Variants in ERAP2 observed in about 807,000 individuals in gnomAD.
ERAP2 encodes leukocyte-derived arginine aminopeptidase.
A neutral mutation model predicts 111.1 loss-of-function variants in ERAP2; 118 were observed. That is an observed-to-expected ratio of 1.06 (90% CI 0.92 to 1.24). The LOEUF is 1.24. Among genes scored for constraint, ERAP2 ranks in the 50% most tolerant of loss-of-function variants. ERAP2 has a pLI of 0.00. For missense variants in ERAP2, 1,131 were observed against 1,125.8 expected, an observed-to-expected ratio of 1.00 and a Z score of -0.07; for synonymous variants, 410 against 401.2, an observed-to-expected ratio of 1.02 and a Z score of -0.26.
rs529193089 is a variant in ERAP2 at position 96,890,484 on chromosome 5, G to A, written c.970+1179G>A. Among the ~76,000 whole-genome samples, 11 of 152,276 alleles carry A rather than the reference G, an allele frequency of 7.2e-5. No homozygotes were observed. In the East Asian group the frequency reaches 1.4e-3, roughly 19 times the overall value. ...ATAGGCCATTGACAGGTACTGGTCC[G>A]CAGCCCTAGGGTTAGGGACCCCTGT... On this transcript the variant is annotated intron_variant, in intron 5 of 18. Coordinates refer to ENST00000437043, the MANE Select transcript of ERAP2 (RefSeq NM_022350.5).
At chr5:96,876,230 G>A (rs570519348), upstream of ERAP2, 2 of 152,450 alleles carry the variant, frequency 1.3e-5, no homozygotes, top group South Asian at 4.1e-4. Flanking sequence ...TGTTCTGAAG[G>A]CTTTACCCTG....
At position 96,897,359 on chromosome 5, in the gene ERAP2, C is replaced by T. The variant is rs905079147; in HGVS notation, c.1503+496C>T. Among the ~76,000 whole-genome samples the T allele has an allele frequency of 2.0e-5, 3 of 152,186 alleles. No individual in the cohort carries two copies. The South Asian group carries it at 6.2e-4, about 31-fold the overall frequency. ...TCTTTCCAACAATTCAAATGCCACC[C>T]AACTTTTAAGATCCAGCTGAGATTT... On this transcript the variant is annotated intron_variant, in intron 9 of 18. Coordinates refer to ENST00000437043, the MANE Select transcript of ERAP2 (RefSeq NM_022350.5).
At chr5:96,894,847 T>G (rs1349284185) in intron 6 of ERAP2, among the ~76,000 whole-genome samples, 1 of 152,124 alleles carries the variant, frequency 6.6e-6, no homozygotes, top group Non-Finnish European at 1.5e-5. Context: ...CACTTGGATT[T>G]ATATTTCTCC....
intron 6 of ERAP2, among the ~76,000 whole-genome samples, chr5:96,894,552 G>A (rs1784675911): frequency 6.6e-6 from 1 of 152,044 alleles, no homozygotes. Flanking sequence ...AAACATAAAA[G>A]CACATAAAAG....
At chr5:96,892,624 T>C (rs1320266630) in intron 6 of ERAP2, among the ~76,000 whole-genome samples, 171 bp downstream of exon 6, 5 of 152,214 alleles carry the variant, frequency 3.3e-5, no homozygotes, top group Non-Finnish European at 7.3e-5. Context: ...CTCTGAACTG[T>C]GGTGTGCATA....
intron 12 of ERAP2, 101 bp downstream of exon 12, chr5:96,902,454 AT>A: frequency 1.5e-6 from 1 of 687,478 alleles, no homozygotes; most frequent in Non-Finnish European, 2.5e-6. Context: ...ACAATAAAAG[AT>A]TTATATTTGA....
At chr5:96,897,012 CCT>C (rs1784950249) in intron 9 of ERAP2, 149 bp downstream of exon 9, 1 of 243,682 alleles carries the variant, frequency 4.1e-6, no homozygotes, top group African/African-American at 4.5e-5. Flanking sequence ...GCAGCACTTC[CCT>C]TTTTCCTCTA....
At chr5:96,911,875 AAAAAAAG>A (rs1311951335) in intron 15 of ERAP2, among the ~76,000 whole-genome samples, 1 of 147,554 alleles carries the variant, frequency 6.8e-6, no homozygotes, top group Non-Finnish European at 1.5e-5. Flanking sequence ...TCAAAAAAAA[AAAAAAAG>A]AAAGAAAGAA....
chr5:96,887,092 TATATATATACAC>T (rs1191754303), intron 4 of ERAP2, among the ~76,000 whole-genome samples: 2 of 99,142 alleles, frequency 2.0e-5, no homozygotes, highest in African/African-American at 7.2e-5. Context: ...TATATATATA[TATATATATACAC>T]ACACACACAC....
intron 5 of ERAP2, among the ~76,000 whole-genome samples, chr5:96,891,213 T>A (rs1784312696): frequency 6.6e-6 from 1 of 152,026 alleles, no homozygotes; most frequent in Non-Finnish European, 1.5e-5. Context: ...AAAAATTATC[T>A]TTTTTTCCAG....
At chr5:96,907,652 C>T (rs146239971) in intron 13 of ERAP2, among the ~76,000 whole-genome samples, 5,749 of 151,444 alleles carry the variant, frequency 0.038, 188 homozygotes, top group Middle Eastern at 0.12. Context: ...GAGGCCGAGG[C>T]GGGTGGATCA....
In ERAP2 at chr5:96,895,351, C is replaced by T. The variant is rs779101347; in HGVS notation, c.1231C>T (p.Leu411=). The T allele has an allele frequency of 3.7e-6, 6 of 1,603,200 alleles. No individual in the cohort carries two copies. In the Admixed American group the frequency reaches 1.0e-4, roughly 27 times the overall value. Residue 411 remains leucine, a synonymous_variant, in exon 7 of 19, where the codon CTG becomes TTG. Transcript: ENST00000437043. ...LIAVNATYPE[L]QFDDYFLNVC... is the part of the protein sequence containing the mutation. ...CGCTGTTAATGCTACATATCCAGAG[C>T]TGCAATTTGTAAGTTCACAATTCTG...
At chr5:96,887,098 TATACACACAC>T (rs1417329618) in intron 4 of ERAP2, among the ~76,000 whole-genome samples, 7 of 99,730 alleles carry the variant, frequency 7.0e-5, no homozygotes, top group South Asian at 8.3e-4. Flanking sequence ...TATATATATA[TATACACACAC>T]ACACACACAC....
chr5:96,883,872 A>G lies in ERAP2; in HGVS notation c.656A>G (p.Asn219Ser), dbSNP rs1342669372. The change falls in exon 3 of 19, where the codon AAC (asparagine) becomes AGC (serine). Residue 219 changes from asparagine to serine, a missense_variant. By Grantham distance (46) the Asn-to-Ser change is conservative (BLOSUM62 1). This residue lies in a region of ERAP2 where 847 missense variants were observed against 856.5 expected (regional missense o/e 0.99). Coordinates refer to ENST00000437043, the MANE Select transcript of ERAP2 (RefSeq NM_022350.5). ...PCFDEPLFKA[N>S]FSIKIRRESR... ...TTTGATGAACCGTTGTTCAAAGCCAACTTTTCAATCAAGATACGAAGAGAG... is the reference window on the plus strand; with the variant it reads ...TTTGATGAACCGTTGTTCAAAGCCAGCTTTTCAATCAAGATACGAAGAGAG... 5 of 1,613,834 alleles carry G rather than the reference A, an allele frequency of 3.1e-6. No homozygotes were observed. Among genetic ancestry groups the G allele is most frequent in the South Asian group, 1.1e-5 (1 of 91,036 alleles).
At chr5:96,906,515 G>C (rs1458984428) in intron 13 of ERAP2, among the ~76,000 whole-genome samples, 1 of 152,160 alleles carries the variant, frequency 6.6e-6, no homozygotes, top group Non-Finnish European at 1.5e-5. Context: ...CAATCCTCCT[G>C]CCTCGGCTTC....
intron 5 of ERAP2, among the ~76,000 whole-genome samples, chr5:96,891,061 T>C (rs1319541334): frequency 3.3e-5 from 5 of 152,220 alleles, no homozygotes; most frequent in African/African-American, 1.2e-4. Context: ...TTTGAAGTGC[T>C]AACGAATACT....
At chr5:96,906,174 C>G (rs572853740) in intron 13 of ERAP2, among the ~76,000 whole-genome samples, 2 of 121,700 alleles carry the variant, frequency 1.6e-5, no homozygotes, top group East Asian at 2.5e-4. Flanking sequence ...AACCACGACA[C>G]GACACTGTCT....
intron 18 of ERAP2, among the ~76,000 whole-genome samples, chr5:96,916,589 G>A (rs1290690019): frequency 6.8e-5 from 10 of 147,972 alleles, no homozygotes; most frequent in East Asian, 6.2e-4. Context: ...TCAGCCTCCC[G>A]AGTAGCTGGG....
intron 5 of ERAP2, among the ~76,000 whole-genome samples, chr5:96,891,127 T>C (rs899222578): frequency 4.6e-5 from 7 of 152,206 alleles, no homozygotes; most frequent in Non-Finnish European, 1.0e-4. Context: ...TTGTTTTTAA[T>C]GTACTAGAAT....
Sources: gnomAD v4.1 joint callset for allele counts (sites outside exome capture counted in the v4.1 genomes callset) on GRCh38, gnomAD v4.1.1 for gene constraint, gnomAD v4.1.1 regional missense constraint, MANE v1.5 for transcripts, NCBI Gene and HGNC (gene_info 2026-07-23, HGNC 2026-07-21) for gene names.